Variants in UNC5A observed in about 807,000 individuals in gnomAD.
UNC5A encodes unc-5 netrin receptor A, also known as netrin receptor UNC5A.
In UNC5A, 20 loss-of-function variants were observed where a neutral mutation model predicts 87.4. That is an observed-to-expected ratio of 0.23 (90% CI 0.16 to 0.33). The LOEUF (loss-of-function observed/expected upper bound fraction) is 0.33, where lower values mean the gene tolerates loss of function less well. Ranked by LOEUF, UNC5A falls within the 10% of genes least tolerant of loss-of-function variation. UNC5A has a pLI of 1.00. For missense variants in UNC5A, 844 were observed against 1,133.4 expected (o/e 0.74, Z 3.67); for synonymous variants, 438 against 482.3 (o/e 0.91, Z 1.20).
intron 1 of UNC5A, among the ~76,000 whole-genome samples, chr5:176,854,583 C>T (rs549591727): frequency 6.6e-6 from 1 of 152,296 alleles, no homozygotes; most frequent in Admixed American, 6.5e-5. Context: ...TTTGAAGAAC[C>T]TGGTTCCCTT....
At chr5:176,816,754 G>A (rs1402508611) in intron 1 of UNC5A, among the ~76,000 whole-genome samples, 1 of 152,240 alleles carries the variant, frequency 6.6e-6, no homozygotes, top group Non-Finnish European at 1.5e-5. Context: ...GGCACATAGT[G>A]GGCACTCAAT....
intron 1 of UNC5A, among the ~76,000 whole-genome samples, chr5:176,816,699 C>T (rs1043870523): frequency 6.6e-6 from 1 of 152,252 alleles, no homozygotes; most frequent in South Asian, 2.1e-4. Context: ...GAACCCACCT[C>T]CTAGGATTTT....
At chr5:176,879,003 G>C (rs541994716) in intron 13 of UNC5A, among the ~76,000 whole-genome samples, 1 of 152,296 alleles carries the variant, frequency 6.6e-6, no homozygotes, top group East Asian at 1.9e-4. Flanking sequence ...GACTCAGGCC[G>C]TGAAGAGAGC....
At chr5:176,855,179 C>G (rs1757635652) in intron 1 of UNC5A, among the ~76,000 whole-genome samples, 1 of 152,254 alleles carries the variant, frequency 6.6e-6, no homozygotes, top group African/African-American at 2.4e-5. Context: ...TCTTCAAGCT[C>G]TTGCTTCAGA....
intron 1 of UNC5A, among the ~76,000 whole-genome samples, chr5:176,836,235 C>G (rs1010889790): frequency 2.0e-5 from 3 of 152,120 alleles, no homozygotes; most frequent in East Asian, 1.9e-4. Flanking sequence ...GGACATGATG[C>G]GAAGGGGAGA....
chr5:176,855,704 T>A (rs963100431), intron 1 of UNC5A, among the ~76,000 whole-genome samples: 6 of 152,222 alleles, frequency 3.9e-5, no homozygotes, highest in African/African-American at 1.4e-4. Flanking sequence ...GCACTCCCCA[T>A]GCCCGGACAT....
intron 1 of UNC5A, among the ~76,000 whole-genome samples, chr5:176,835,655 G>C (rs1757134189): frequency 6.6e-6 from 1 of 152,160 alleles, no homozygotes. Context: ...GTGGGCGTGG[G>C]TGTGAACTCT....
chr5:176,868,027 T>A, intron 2 of UNC5A, 103 bp from the exon 3 acceptor site: 12 of 957,818 alleles, frequency 1.3e-5, no homozygotes, highest in Non-Finnish European at 1.6e-5. Flanking sequence ...CAAAGTCCAC[T>A]CCCTTGCCAG....
intron 1 of UNC5A, among the ~76,000 whole-genome samples, chr5:176,855,958 G>A (rs1003846052): frequency 1.3e-5 from 2 of 152,196 alleles, no homozygotes; most frequent in Non-Finnish European, 2.9e-5. Context: ...CAACCGCGCC[G>A]TGTGGTCTGC....
intron 1 of UNC5A, among the ~76,000 whole-genome samples, chr5:176,830,807 T>C (rs1172009245): frequency 1.4e-5 from 2 of 147,376 alleles, no homozygotes; most frequent in African/African-American, 5.0e-5. Context: ...CATGTGTGTG[T>C]GCGTGTGTGT....
At position 176,810,930 on chromosome 5, in the gene UNC5A, C is replaced by A. The variant is rs538918936; in HGVS notation, c.70+110C>A. On this transcript the variant is annotated intron_variant, in intron 1 of 14. Transcript: ENST00000329542. This position sits in a 1 kb window ranked among gnomAD's most constrained non-coding sequence, Gnocchi z 7.3. The stretch of plus-strand genomic sequence containing the variant: ...GCTGCCAGACCCGGCTGGGAGCCCC[C>A]CGAGGCCAAACTTTGCGAGGCGGGA... 2.0e-6 allele frequency: 2 copies of A among 1,008,410 alleles called. No homozygotes were observed. The highest frequency in any genetic ancestry group is 1.7e-5 in the African/African-American group (1 of 58,364). The allele number at this position is 1,008,410 out of a possible 1,614,324, so 62.5% of individuals were successfully genotyped here.
intron 1 of UNC5A, among the ~76,000 whole-genome samples, chr5:176,821,208 C>T (rs1409830228): frequency 6.6e-6 from 1 of 152,348 alleles, no homozygotes; most frequent in Non-Finnish European, 1.5e-5. Context: ...CTGTGCTCTG[C>T]TTCCGAGCGT....
At chr5:176,858,774 G>GGGAGGAAGGAAA (rs771880438) in intron 1 of UNC5A, among the ~76,000 whole-genome samples, 1 of 58,922 alleles carries the variant, frequency 1.7e-5, no homozygotes, top group Non-Finnish European at 4.2e-5. Flanking sequence ...AAGGAAGGAA[G>GGGAGGAAGGAAA]GCAAGCAAGC....
intron 1 of UNC5A, among the ~76,000 whole-genome samples, chr5:176,835,357 C>A (rs1394557738): frequency 1.3e-5 from 2 of 152,252 alleles, no homozygotes; most frequent in African/African-American, 4.8e-5. Flanking sequence ...CTTGCCCAGT[C>A]CAGTGTGTGT....
At chr5:176,870,992 C>A (rs1174367682) in intron 6 of UNC5A, among the ~76,000 whole-genome samples, 5 of 83,934 alleles carry the variant, frequency 6.0e-5, no homozygotes, top group South Asian at 4.9e-4. Flanking sequence ...ACGCTCGCCC[C>A]ACACCACAGC....
chr5:176,863,421 G>A (rs1757890537), intron 2 of UNC5A, among the ~76,000 whole-genome samples: 1 of 152,160 alleles, frequency 6.6e-6, no homozygotes, highest in African/African-American at 2.4e-5. Flanking sequence ...AGAGCGACAT[G>A]GCCAGAGCTA....
At chr5:176,859,553 A>G (rs1757777708) in intron 1 of UNC5A, among the ~76,000 whole-genome samples, 1 of 79,664 alleles carries the variant, frequency 1.3e-5, no homozygotes, top group African/African-American at 3.1e-5. Context: ...TAGCTGCTAG[A>G]ATGTCCTTGC....
At chr5:176,842,855 A>C (rs1757308743) in intron 1 of UNC5A, among the ~76,000 whole-genome samples, 1 of 152,112 alleles carries the variant, frequency 6.6e-6, no homozygotes, top group African/African-American at 2.4e-5. Context: ...TGGAAAAATA[A>C]TTTTTATTTT....
intron 1 of UNC5A, among the ~76,000 whole-genome samples, chr5:176,842,807 C>G (rs553782096): frequency 5.3e-5 from 8 of 152,296 alleles, no homozygotes; most frequent in African/African-American, 1.9e-4. Context: ...CTCTAAAGAA[C>G]TTACGTAACC....
Sources: allele counts gnomAD v4.1 joint callset (sites outside exome capture counted in the v4.1 genomes callset), GRCh38; gene constraint gnomAD v4.1.1; non-coding constraint Gnocchi (gnomAD v3.1); transcripts MANE v1.5; gene names NCBI Gene and HGNC (gene_info 2026-07-23, HGNC 2026-07-21).